Variants in RASGRP1 observed in about 807,000 individuals in gnomAD.
The protein encoded by RASGRP1 is RAS guanyl releasing protein 1, also known as RAS guanyl-releasing protein 1.
RASGRP1 carries 37 observed loss-of-function variants against 95.1 expected under a neutral mutation model. The observed-to-expected ratio is 0.39, with a 90% CI of 0.30 to 0.51. The LOEUF (loss-of-function observed/expected upper bound fraction) is 0.51. RASGRP1 is among the 20% of genes least tolerant of loss of function. RASGRP1 has a pLI of 0.80. For missense variants in RASGRP1, 711 were observed against 965.4 expected, an observed-to-expected ratio of 0.74 and a Z score of 3.49; for synonymous variants, 325 against 353.4, an observed-to-expected ratio of 0.92 and a Z score of 0.90.
chr15:38,499,636 T>C (rs12591938), intron 14 of RASGRP1, among the ~76,000 whole-genome samples: 10,672 of 152,234 alleles, frequency 0.07, 540 homozygotes, highest in East Asian at 0.17. Context: ...TGCTGAGAAG[T>C]TGTGGACTAA....
intron 2 of RASGRP1, among the ~76,000 whole-genome samples, chr15:38,559,337 G>A (rs938021933): frequency 2.0e-5 from 3 of 152,046 alleles, no homozygotes; most frequent in East Asian, 1.9e-4. Context: ...GTGTCTTCTC[G>A]TCACAAACCT....
intron 2 of RASGRP1, among the ~76,000 whole-genome samples, chr15:38,539,161 C>T (rs189732606): frequency 6.6e-6 from 1 of 152,256 alleles, no homozygotes; most frequent in Non-Finnish European, 1.5e-5. Context: ...CTGAGGTAAA[C>T]CCTGCCCTTT....
rs993574615 is a variant in RASGRP1 at position 38,526,370 on chromosome 15, C to T, written c.255G>A (p.Leu85=). The stretch of plus-strand genomic sequence containing the variant: ...GGTGCATGGTCAGCATGACTTGCAA[C>T]AGTTGGTTACTTCGACACAGGTTTC... The part of the protein sequence containing the change: ...ADGNLCRSNQ[L]LQVMLTMHRI... The change falls in exon 3 of 17, where the codon CTG becomes CTA. Residue 85 remains leucine, a synonymous_variant. Coordinates refer to ENST00000310803, the MANE Select transcript of RASGRP1 (RefSeq NM_005739.4). The T allele has an allele frequency of 6.2e-7, 1 of 1,613,116 alleles. No individual in the cohort carries two copies. The highest frequency in any genetic ancestry group is 1.7e-5 in the Admixed American group (1 of 59,926).
intron 16 of RASGRP1, 92 bp downstream of exon 16, chr15:38,494,290 C>G (rs755076343): frequency 1.3e-6 from 2 of 1,500,180 alleles, no homozygotes; most frequent in South Asian, 2.4e-5. Context: ...TGTAATCAGC[C>G]TGATCTGAAT....
At chr15:38,499,147 A>G (rs7173225) in intron 14 of RASGRP1, 25,961 of 740,102 alleles carry the variant, frequency 0.035, 2,273 homozygotes, top group African/African-American at 0.26. Context: ...TGTAGCCCTT[A>G]TCAGTGAATC....
At chr15:38,561,937 G>A (rs1168456699) in intron 1 of RASGRP1, among the ~76,000 whole-genome samples, 7 of 152,152 alleles carry the variant, frequency 4.6e-5, no homozygotes, top group South Asian at 2.1e-4. Flanking sequence ...GGCAGGTACC[G>A]TGCTGGGGAC....
chr15:38,542,255 T>C (rs866864880), intron 2 of RASGRP1, among the ~76,000 whole-genome samples: 29 of 152,290 alleles, frequency 1.9e-4, no homozygotes, highest in African/African-American at 7.0e-4. Flanking sequence ...CTGGTCTGAC[T>C]GAAGTGGTGT....
In RASGRP1 at chr15:38,564,761, G is replaced by A. The variant is rs1194445722; in HGVS notation, c.-133C>T. 3.0e-6 allele frequency: 2 copies of A among 670,126 alleles called. No individual in the cohort carries two copies. The highest frequency in any genetic ancestry group is 3.9e-6 in the Non-Finnish European group (2 of 511,086). 41.5% of individuals were successfully genotyped at this position (670,126 alleles called of 1,614,324 possible). On this transcript the variant is annotated 5_prime_UTR_variant, in exon 1 of 17. Coordinates refer to ENST00000310803, the MANE Select transcript of RASGRP1 (RefSeq NM_005739.4). ...GTAGCCCCGGCGCCCGCCAGCCCTC[G>A]AGCCCGGCGAGCCCGACCGAGGTGC...
chr15:38,555,783 A>C (rs1893532169), intron 2 of RASGRP1, among the ~76,000 whole-genome samples: 1 of 152,230 alleles, frequency 6.6e-6, no homozygotes, highest in Admixed American at 6.5e-5. Flanking sequence ...ATTTCCCTTC[A>C]CACTAATAGG....
intron 6 of RASGRP1, among the ~76,000 whole-genome samples, chr15:38,514,414 CT>C (rs1442234499): frequency 1.3e-5 from 2 of 152,084 alleles, no homozygotes; most frequent in South Asian, 2.1e-4. Context: ...TAATACCCCC[CT>C]CCCACTATAA....
chr15:38,518,611 T>C (rs1891881027), intron 4 of RASGRP1, among the ~76,000 whole-genome samples, 188 bp from the exon 5 acceptor site: 1 of 152,146 alleles, frequency 6.6e-6, no homozygotes, highest in African/African-American at 2.4e-5. Flanking sequence ...CTGAAAATCT[T>C]CTGTCCCTCC....
chr15:38,515,340 C>T (rs1891715699), intron 6 of RASGRP1, among the ~76,000 whole-genome samples: 1 of 152,100 alleles, frequency 6.6e-6, no homozygotes, highest in Non-Finnish European at 1.5e-5. Context: ...ATTTTTAGCA[C>T]GGAGGTGAAG....
intron 8 of RASGRP1, among the ~76,000 whole-genome samples, chr15:38,510,796 A>C (rs1253882546): frequency 6.6e-6 from 1 of 152,154 alleles, no homozygotes; most frequent in African/African-American, 2.4e-5. Context: ...CCTTATCTCT[A>C]CAAAAATTTT....
In RASGRP1 at chr15:38,519,366, T is replaced by C; in HGVS notation, c.332A>G (p.Lys111Arg). The C allele has an allele frequency of 1.3e-6, 2 of 1,522,046 alleles. No individual in the cohort carries two copies. Among genetic ancestry groups the C allele is most frequent in the Non-Finnish European group, 1.8e-6 (2 of 1,098,582 alleles). 94.3% of individuals were successfully genotyped at this position (1,522,046 alleles called of 1,614,324 possible). The change falls in exon 4 of 17, where the codon AAG (lysine) becomes AGG (arginine). Residue 111 changes from lysine to arginine, a missense_variant. Lys to Arg is a conservative substitution (Grantham distance 26, BLOSUM62 2). Around this residue, in one of 3 missense-constraint regions of RASGRP1, gnomAD observed 491 missense variants for 676.6 expected, o/e 0.73. Coordinates refer to ENST00000310803, the MANE Select transcript of RASGRP1 (RefSeq NM_005739.4). ...ELLQKVITLYKDALAKNSPGL... is the reference protein window; with the variant it reads ...ELLQKVITLYRDALAKNSPGL... Reference sequence around the variant, plus strand: ...TGGTGAATTCTTTGCCAAAGCATCCTTATAGGTAGGGCTGTGGTTAAGGGA... The same window carrying C: ...TGGTGAATTCTTTGCCAAAGCATCCCTATAGGTAGGGCTGTGGTTAAGGGA...
intron 14 of RASGRP1, among the ~76,000 whole-genome samples, chr15:38,499,561 C>T (rs538034430): frequency 5.3e-5 from 8 of 152,302 alleles, no homozygotes; most frequent in Admixed American, 2.0e-4. Context: ...TTTCTCTCTT[C>T]GGTGTGGCGG....
chr15:38,557,601 ATGTGTGTG>A (rs5812045), intron 2 of RASGRP1, among the ~76,000 whole-genome samples: 20 of 145,386 alleles, frequency 1.4e-4, no homozygotes, highest in South Asian at 4.4e-4. Context: ...TTGTATATAT[ATGTGTGTG>A]TGTGTGTGTG....
intron 15 of RASGRP1, among the ~76,000 whole-genome samples, chr15:38,496,474 T>C (rs993417954): frequency 2.6e-5 from 4 of 152,194 alleles, no homozygotes; most frequent in African/African-American, 9.6e-5. Context: ...TCTGCTGTCT[T>C]TTCCACTTGA....
chr15:38,540,083 A>G (rs1322256279), intron 2 of RASGRP1, among the ~76,000 whole-genome samples: 1 of 151,916 alleles, frequency 6.6e-6, no homozygotes, highest in African/African-American at 2.4e-5. Flanking sequence ...TGCCAGGCTA[A>G]TTCTTTTTTA....
At chr15:38,555,238 T>C (rs1246817102) in intron 2 of RASGRP1, among the ~76,000 whole-genome samples, 1 of 152,212 alleles carries the variant, frequency 6.6e-6, no homozygotes, top group Non-Finnish European at 1.5e-5. Flanking sequence ...AAAACATACT[T>C]ATTAGTTTTG....
Sources: gnomAD v4.1 joint callset for allele counts (sites outside exome capture counted in the v4.1 genomes callset) on GRCh38, gnomAD v4.1.1 for gene constraint, gnomAD v4.1.1 regional missense constraint, MANE v1.5 for transcripts, NCBI Gene and HGNC (gene_info 2026-07-23, HGNC 2026-07-21) for gene names.